The following CHRNA5 variants were observed in gnomAD, a reference collection of about 807,000 sequenced individuals.
CHRNA5 encodes the protein cholinergic receptor nicotinic alpha 5 subunit.
Under a neutral mutation model 41.2 loss-of-function variants are expected in CHRNA5, and 28 were observed. The ratio of observed to expected loss-of-function variants is 0.68; its 90% CI spans 0.50 to 0.93. The LOEUF is 0.93. Ranked by LOEUF, CHRNA5 falls within the 40% of genes least tolerant of loss-of-function variation. The pLI, the probability that CHRNA5 is intolerant of heterozygous loss-of-function variation, is 0.00. For missense variants in CHRNA5, 481 were observed against 581.9 expected (o/e 0.83, Z 1.78); for synonymous variants, 188 against 205.8 (o/e 0.91, Z 0.74).
chr15:78,572,129 A>C (rs2052811032), intron 1 of CHRNA5, among the ~76,000 whole-genome samples: 1 of 152,146 alleles, frequency 6.6e-6, no homozygotes, highest in Non-Finnish European at 1.5e-5. Flanking sequence ...CTTTTTAGAT[A>C]TATTATCTTA....
At chr15:78,570,566 G>A (rs1446589890) in intron 1 of CHRNA5, among the ~76,000 whole-genome samples, 1 of 151,388 alleles carries the variant, frequency 6.6e-6, no homozygotes, top group Non-Finnish European at 1.5e-5. Context: ...CACCACGCCC[G>A]GCCCCTCCTA....
chr15:78,571,192 A>T (rs2052801639), intron 1 of CHRNA5, among the ~76,000 whole-genome samples: 1 of 152,236 alleles, frequency 6.6e-6, no homozygotes, highest in African/African-American at 2.4e-5. Context: ...GTCCACATTC[A>T]TACCAACTGG....
chr15:78,589,968 T>C, exon 5 of CHRNA5: 1 of 1,614,188 alleles, frequency 6.2e-7, no homozygotes, highest in East Asian at 2.2e-5. Context: ...TTCTTGGACT[T>C]ATGATGGATC....
chr15:78,588,488 CTAA>C lies in CHRNA5; in HGVS notation c.413+70_413+72del. On this transcript the variant is annotated intron_variant, in intron 4 of 5. Transcript: ENST00000299565. The surrounding 1 kb of genome is among the most constrained non-coding windows in gnomAD (Gnocchi z 4.1). ...AAAACATTTGTATTTCTATTAGGCACTAATAATTTTTCTCCCTTTTGAAATTGT... is the reference window on the plus strand; with the variant it reads ...AAAACATTTGTATTTCTATTAGGCACTAATTTTTCTCCCTTTTGAAATTGT... The C allele has an allele frequency of 2.6e-6, 2 of 763,636 alleles. No homozygotes were observed. Among genetic ancestry groups the C allele is most frequent in the Non-Finnish European group, 1.9e-6 (1 of 513,028 alleles). 47.3% of individuals were successfully genotyped at this position (763,636 alleles called of 1,614,324 possible).
exon 6 of CHRNA5, chr15:78,593,396 G>A (rs2053044126): frequency 2.7e-6 from 2 of 742,240 alleles, no homozygotes; most frequent in Admixed American, 7.0e-5. Flanking sequence ...TATGTTAACA[G>A]ATGATCCATT....
exon 6 of CHRNA5, chr15:78,593,717 T>C (rs2053049562): frequency 6.6e-6 from 1 of 152,422 alleles, no homozygotes; most frequent in African/African-American, 2.4e-5. Context: ...CTACTTGATA[T>C]AATTACTTAA....
intron 5 of CHRNA5, among the ~76,000 whole-genome samples, chr15:78,591,841 G>C (rs1367312327): frequency 6.6e-6 from 1 of 152,082 alleles, no homozygotes; most frequent in Non-Finnish European, 1.5e-5. Context: ...GTATCTATTT[G>C]GTGGTAGCAT....
chr15:78,565,697 C>T, exon 1 of CHRNA5: 2 of 1,050,368 alleles, frequency 1.9e-6, no homozygotes, highest in Non-Finnish European at 1.2e-6. Flanking sequence ...CGGCTGCCCG[C>T]GGTCCCGCGC....
exon 6 of CHRNA5, chr15:78,593,382 A>G (rs199932554): frequency 8.1e-5 from 68 of 842,798 alleles, no homozygotes; most frequent in Non-Finnish European, 1.0e-4. Context: ...TGCTAACCTC[A>G]ATTTATGTTA....
At chr15:78,583,940 C>G (rs1421639765) in intron 2 of CHRNA5, among the ~76,000 whole-genome samples, 1 of 152,064 alleles carries the variant, frequency 6.6e-6, no homozygotes, top group East Asian at 1.9e-4. Flanking sequence ...CCTCTCACCT[C>G]CCACTTTGAT....
chr15:78,588,034 G>A lies in CHRNA5; in HGVS notation c.304-280G>A, dbSNP rs577954721. The stretch of plus-strand genomic sequence containing the variant: ...TTAAGTGCCTGTGGCTTCAAGTCCT[G>A]GATATAGTCAGTCAGTTGATGGGAG... On this transcript the variant is annotated intron_variant, in intron 3 of 5. Coordinates refer to ENST00000299565, the Ensembl canonical transcript of CHRNA5. This position sits in a 1 kb window ranked among gnomAD's most constrained non-coding sequence, Gnocchi z 4.1. Among the ~76,000 whole-genome samples the A allele has an allele frequency of 2.6e-5, 4 of 152,302 alleles. No individual in the cohort carries two copies. The South Asian group carries it at 8.3e-4, about 32-fold the overall frequency.
chr15:78,566,981 G>A (rs1342630867), intron 1 of CHRNA5, among the ~76,000 whole-genome samples: 45 of 152,124 alleles, frequency 3.0e-4, no homozygotes, highest in Admixed American at 2.9e-3. Context: ...GGCCGGGCGC[G>A]GTGGCTCACG....
intron 1 of CHRNA5, among the ~76,000 whole-genome samples, chr15:78,573,373 C>T (rs1425035568): frequency 1.3e-5 from 2 of 152,184 alleles, no homozygotes; most frequent in African/African-American, 4.8e-5. Flanking sequence ...GTGTACTTTG[C>T]ATAGCCATAG....
At chr15:78,587,639 G>C (rs1412932685) in intron 3 of CHRNA5, among the ~76,000 whole-genome samples, 1 of 147,796 alleles carries the variant, frequency 6.8e-6, no homozygotes, top group African/African-American at 2.6e-5. Flanking sequence ...GACTCTCTAA[G>C]GTGGAAATGG....
At chr15:78,567,382 T>G (rs2052760258) in intron 1 of CHRNA5, among the ~76,000 whole-genome samples, 1 of 152,164 alleles carries the variant, frequency 6.6e-6, no homozygotes, top group African/African-American at 2.4e-5. Flanking sequence ...AAATGGTAGT[T>G]CTCTACCCCT....
intron 1 of CHRNA5, among the ~76,000 whole-genome samples, chr15:78,571,578 C>CTT (rs34248937): frequency 0.014 from 1,625 of 116,562 alleles, 18 homozygotes; most frequent in African/African-American, 0.024. Flanking sequence ...GATGCTCTGC[C>CTT]TTTTTTTTTT....
intron 1 of CHRNA5, among the ~76,000 whole-genome samples, chr15:78,574,978 A>C (rs1405990170): frequency 6.6e-6 from 1 of 151,838 alleles, no homozygotes; most frequent in African/African-American, 2.4e-5. Flanking sequence ...GTCTTAAAAA[A>C]AAAAAAAAAA....
chr15:78,573,160 G>A (rs1287208408), intron 1 of CHRNA5, among the ~76,000 whole-genome samples: 1 of 152,172 alleles, frequency 6.6e-6, no homozygotes, highest in Non-Finnish European at 1.5e-5. Context: ...CATGTGGGGC[G>A]GTGGTATGTC....
chr15:78,579,878 C>T (rs960994551), intron 1 of CHRNA5, among the ~76,000 whole-genome samples: 1 of 151,980 alleles, frequency 6.6e-6, no homozygotes, highest in African/African-American at 2.4e-5. Context: ...TTCTTCCTTC[C>T]TTATTCCCTA....
Sources: gnomAD v4.1 joint callset for allele counts (sites outside exome capture counted in the v4.1 genomes callset) on GRCh38, gnomAD v4.1.1 for gene constraint, Gnocchi (gnomAD v3.1) non-coding constraint, MANE v1.5 for transcripts, NCBI Gene and HGNC (gene_info 2026-07-23, HGNC 2026-07-21) for gene names.